Variants in TNFRSF11B observed in about 807,000 individuals in gnomAD.
TNFRSF11B encodes TNF receptor superfamily member 11b, also known as tumor necrosis factor receptor superfamily member 11B.
TNFRSF11B carries 16 observed loss-of-function variants against 43.4 expected under a neutral mutation model. That is an observed-to-expected ratio of 0.37 (90% CI 0.25 to 0.56). The LOEUF is 0.56. TNFRSF11B is among the 20% of genes least tolerant of loss of function. The probability of loss-of-function intolerance (pLI) is 0.80; values close to 1 mark genes in which losing one functional copy is unlikely to be tolerated. For missense variants in TNFRSF11B, 444 were observed against 490.1 expected (o/e 0.91, Z 0.89); for synonymous variants, 185 against 181.8 (o/e 1.02, Z -0.14).
intron 2 of TNFRSF11B, among the ~76,000 whole-genome samples, chr8:118,932,654 G>A (rs1812345374): frequency 8.9e-6 from 1 of 112,084 alleles, no homozygotes; most frequent in Non-Finnish European, 1.7e-5. Flanking sequence ...ACTTGAGTTT[G>A]TTTCTTTAAA....
intron 2 of TNFRSF11B, among the ~76,000 whole-genome samples, chr8:118,929,521 CA>C (rs1331317784): frequency 6.6e-6 from 1 of 152,218 alleles, no homozygotes; most frequent in Non-Finnish European, 1.5e-5. Context: ...CGTAAGCCTG[CA>C]GTTAAGCTAC....
At chr8:118,940,876 C>T (rs575372587) in intron 1 of TNFRSF11B, among the ~76,000 whole-genome samples, 2 of 152,262 alleles carry the variant, frequency 1.3e-5, no homozygotes, top group South Asian at 2.1e-4. Context: ...TTAGAAAGCT[C>T]AGCCAGAAAA....
chr8:118,933,561 C>T (rs1812357812), intron 1 of TNFRSF11B, among the ~76,000 whole-genome samples: 1 of 152,170 alleles, frequency 6.6e-6, no homozygotes, highest in Admixed American at 6.5e-5. Context: ...AGAACTATAA[C>T]ACTTAGATGC....
chr8:118,945,921 T>C (rs1282970562), intron 1 of TNFRSF11B, among the ~76,000 whole-genome samples: 1 of 152,138 alleles, frequency 6.6e-6, no homozygotes, highest in East Asian at 1.9e-4. Context: ...CCAGTCTGAA[T>C]TGGAGTAGAA....
chr8:118,945,059 G>A (rs1318604317), intron 1 of TNFRSF11B, among the ~76,000 whole-genome samples: 1 of 151,964 alleles, frequency 6.6e-6, no homozygotes, highest in Non-Finnish European at 1.5e-5. Flanking sequence ...AAATATATAA[G>A]TCATACTACC....
chr8:118,938,305 T>C (rs1223862109), intron 1 of TNFRSF11B, among the ~76,000 whole-genome samples: 3 of 152,136 alleles, frequency 2.0e-5, no homozygotes, highest in Admixed American at 6.5e-5. Flanking sequence ...CATTCAAGCA[T>C]ACATGTATTA....
At chr8:118,948,779 AC>A (rs1394732960) in intron 1 of TNFRSF11B, among the ~76,000 whole-genome samples, 13 of 103,526 alleles carry the variant, frequency 1.3e-4, no homozygotes, top group African/African-American at 5.0e-4. Context: ...CAACAAAAAA[AC>A]AAACAAACAA....
rs1355555142 is a variant in TNFRSF11B, at chr8:118,928,909, CTG to C, written c.419_420del (p.Thr140SerfsTer13). ...VVQAGTPERN[T>X]VCKRCPDGFF... ...AACCCATCTGGACATCTTTTGCAAA[CTG>C]TATTTCGCTCTGGGGTTCCTACAGA... On this transcript the variant is annotated frameshift_variant, in exon 3 of 5. Transcript: ENST00000297350. LOFTEE classifies it high-confidence loss of function. 1.9e-6 allele frequency: 3 copies of C among 1,614,054 alleles called. No homozygotes were observed. Among genetic ancestry groups the C allele is most frequent in the Non-Finnish European group, 2.5e-6 (3 of 1,180,038 alleles).
At chr8:118,930,748 G>A in intron 2 of TNFRSF11B, 1 of 452,200 alleles carries the variant, frequency 2.2e-6, no homozygotes, top group Non-Finnish European at 4.4e-6. Flanking sequence ...CATATCTGTG[G>A]CTTGGGTCTT....
Position 118,926,713 on chromosome 8 carries a change from T to C in TNFRSF11B, c.598A>G (p.Thr200Ala), listed in dbSNP as rs528308716. The C allele has an allele frequency of 6.2e-7, 1 of 1,613,388 alleles. No individual in the cohort carries two copies. Among genetic ancestry groups the C allele is most frequent in the East Asian group, 2.2e-5 (1 of 44,858 alleles). The part of the protein sequence containing the change: ...ESTQKCGIDV[T>A]LCEEAFFRFA... Reference sequence around the variant, plus strand: ...CTGAAGAATGCCTCCTCACACAGGGTAACATCTAAAGAAAGGTTAGAAAAC... The same window carrying C: ...CTGAAGAATGCCTCCTCACACAGGGCAACATCTAAAGAAAGGTTAGAAAAC... The change falls in exon 4 of 5, where the codon ACC becomes GCC. Residue 200 changes from threonine to alanine, a missense_variant. Physicochemically the swap from Thr to Ala is moderately conservative, Grantham distance 58. Transcript: ENST00000297350.
intron 1 of TNFRSF11B, among the ~76,000 whole-genome samples, chr8:118,950,403 A>G (rs991748515): frequency 6.6e-6 from 1 of 152,234 alleles, no homozygotes; most frequent in Non-Finnish European, 1.5e-5. Flanking sequence ...GAAAGAAGTC[A>G]AATGCAAAAA....
chr8:118,929,022 G>A (rs1309851345), intron 2 of TNFRSF11B, 93 bp from the exon 3 acceptor site: 4 of 1,141,082 alleles, frequency 3.5e-6, no homozygotes, highest in Non-Finnish European at 5.2e-6. Flanking sequence ...CTTTTCACTT[G>A]GTTTTTACTG....
intron 1 of TNFRSF11B, among the ~76,000 whole-genome samples, chr8:118,946,040 A>G (rs1812556679): frequency 6.6e-6 from 1 of 152,192 alleles, no homozygotes; most frequent in African/African-American, 2.4e-5. Flanking sequence ...TTTAAAAATC[A>G]CAACAATAAA....
At chr8:118,932,337 A>AAGATAAAT (rs1812341712) in intron 2 of TNFRSF11B, among the ~76,000 whole-genome samples, 1 of 152,196 alleles carries the variant, frequency 6.6e-6, no homozygotes, top group Non-Finnish European at 1.5e-5. Flanking sequence ...TGTTTTGTCT[A>AAGATAAAT]AGATAAAGAA....
intron 1 of TNFRSF11B, among the ~76,000 whole-genome samples, chr8:118,950,997 T>C (rs751870310): frequency 1.3e-5 from 2 of 152,180 alleles, no homozygotes; most frequent in Non-Finnish European, 2.9e-5. Flanking sequence ...AATAAGTCAT[T>C]GGTCATAGAA....
chr8:118,932,851 A>C (rs1447182528), intron 2 of TNFRSF11B, 80 bp downstream of exon 2: 5 of 1,588,324 alleles, frequency 3.1e-6, no homozygotes, highest in Non-Finnish European at 8.6e-7. Flanking sequence ...ATGTCATCAG[A>C]ACAAAAGTGT....
chr8:118,943,037 C>T (rs557041503), intron 1 of TNFRSF11B, among the ~76,000 whole-genome samples: 12 of 152,184 alleles, frequency 7.9e-5, no homozygotes, highest in Middle Eastern at 3.4e-3. Flanking sequence ...CTTCCTCTCT[C>T]GTCCTAAAAT....
Position 118,932,948 on chromosome 8 carries a change from A to G in TNFRSF11B, c.383T>C (p.Phe128Ser), listed in dbSNP as rs1326436325. 4 of 1,614,188 alleles carry G rather than the reference A, an allele frequency of 2.5e-6. No individual in the cohort carries two copies. The highest frequency in any genetic ancestry group is 3.3e-5 in the Admixed American group (2 of 60,024). ...CLKHRSCPPGFGVVQAGTPER... is the reference protein window; with the variant it reads ...CLKHRSCPPGSGVVQAGTPER... ...ACACGTACCAGCTTGCACCACTCCA[A>G]ATCCAGGAGGGCAGCTCCTATGTTT... Residue 128 changes from phenylalanine to serine, a missense_variant, in exon 2 of 5, where the codon TTT (phenylalanine) becomes TCT (serine). Physicochemically the swap from Phe to Ser is radical, Grantham distance 155. Transcript: ENST00000297350.
intron 2 of TNFRSF11B, among the ~76,000 whole-genome samples, chr8:118,931,168 G>A (rs527861607): frequency 1.3e-5 from 2 of 152,244 alleles, no homozygotes; most frequent in South Asian, 2.1e-4. Flanking sequence ...AACAGCAACA[G>A]CAACAACAAA....
Sources: gnomAD v4.1 joint callset for allele counts (sites outside exome capture counted in the v4.1 genomes callset) on GRCh38, gnomAD v4.1.1 for gene constraint, MANE v1.5 for transcripts, NCBI Gene and HGNC (gene_info 2026-07-23, HGNC 2026-07-21) for gene names.